IMPDH2: variants seen among roughly 807,000 people sequenced by gnomAD.
IMPDH2 encodes the protein inosine-5'-monophosphate dehydrogenase 2.
IMPDH2 carries 33 observed loss-of-function variants against 57.8 expected under a neutral mutation model. The observed-to-expected ratio is 0.57, with a 90% CI of 0.43 to 0.76. The LOEUF (loss-of-function observed/expected upper bound fraction) is 0.76. Ranked by LOEUF, IMPDH2 falls within the 30% of genes least tolerant of loss-of-function variation. The probability of loss-of-function intolerance (pLI) is 0.00; values close to 1 mark genes in which losing one functional copy is unlikely to be tolerated. For missense variants in IMPDH2, 446 were observed against 659.1 expected, an observed-to-expected ratio of 0.68 and a Z score of 3.54; for synonymous variants, 270 against 241.3, an observed-to-expected ratio of 1.12 and a Z score of -1.10.
At chr3:49,028,608 G>T in intron 2 of IMPDH2, 76 bp from the exon 3 acceptor site, 2 of 1,375,738 alleles carry the variant, frequency 1.5e-6, no homozygotes, top group Non-Finnish European at 1.0e-6. Context: ...CCCACAAAAA[G>T]GCACTTTTGT....
chr3:49,024,547 C>G lies in IMPDH2; in HGVS notation c.1471G>C (p.Glu491Gln), dbSNP rs2093188716. Residue 491 changes from glutamate to glutamine, a missense_variant, in exon 13 of 14, where the codon GAG (glutamate) becomes CAG (glutamine). Transcript: ENST00000326739. The stretch of plus-strand genomic sequence containing the variant: ...ACCTGGGCTGAGGACGTTCTCTTCT[C>G]AAACTTAAGCTCCCCAGAGTACATC... ...AMMYSGELKF[E>Q]KRTSSAQVEG... 2 of 1,614,076 alleles carry G rather than the reference C, an allele frequency of 1.2e-6. No individual in the cohort carries two copies.
chr3:49,029,209 G>T (rs1441846229), intron 1 of IMPDH2, 44 bp downstream of exon 1: 3 of 1,474,394 alleles, frequency 2.0e-6, no homozygotes, highest in South Asian at 2.4e-5. Context: ...TTTCCCCAGG[G>T]TGCCGCCCCT....
chr3:49,027,022 ACCAAGTCTTC>A lies in IMPDH2; in HGVS notation c.547_556del (p.Glu183TrpfsTer2). 1 of 1,613,906 alleles carries A rather than the reference ACCAAGTCTTC, an allele frequency of 6.2e-7. No homozygotes were observed. Among genetic ancestry groups the A allele is most frequent in the Non-Finnish European group, 8.5e-7 (1 of 1,179,794 alleles). On this transcript the variant is annotated frameshift_variant, in exon 6 of 14. Transcript: ENST00000326739. LOFTEE classifies it high-confidence loss of function. Reference sequence around the variant, plus strand: ...CAGTGTGATGCCTGCAGGGGCTACCACCAAGTCTTCCCTCTTTGTCATTATCTACGTGGGA... The same window carrying A: ...CAGTGTGATGCCTGCAGGGGCTACCACCTCTTTGTCATTATCTACGTGGGA...
At chr3:49,028,361 G>C in intron 3 of IMPDH2, 39 bp from the exon 4 acceptor site, 1 of 1,608,668 alleles carries the variant, frequency 6.2e-7, no homozygotes, top group Non-Finnish European at 8.5e-7. Context: ...GTGACAAGAA[G>C]CAGGACTGAA....
chr3:49,028,602 C>T (rs1217997126), intron 2 of IMPDH2, 70 bp from the exon 3 acceptor site: 2 of 1,396,952 alleles, frequency 1.4e-6, no homozygotes, highest in East Asian at 4.6e-5. Context: ...GAGTCCCCCA[C>T]AAAAAGGCAC....
Position 49,024,812 on chromosome 3 carries a change from G to C in IMPDH2, c.1296-10C>G. On this transcript the variant is annotated splice_polypyrimidine_tract_variant and intron_variant, in intron 11 of 13. Coordinates refer to ENST00000326739, the MANE Select transcript of IMPDH2 (RefSeq NM_000884.3). ...GATTTTGTCAGCTTCACTGCAGGGA[G>C]AGGCAGAGACACGGGCAAGGTCACA... is the stretch of plus-strand genomic sequence containing the variant. 6.2e-7 allele frequency: 1 copy of C among 1,614,218 alleles called. No homozygotes were observed. The highest frequency in any genetic ancestry group is 8.5e-7 in the Non-Finnish European group (1 of 1,180,022).
chr3:49,025,334 C>T, intron 9 of IMPDH2, 65 bp from the exon 10 acceptor site: 1 of 1,584,584 alleles, frequency 6.3e-7, no homozygotes, highest in East Asian at 2.2e-5. Context: ...ACCCTGTGGC[C>T]ATATTTAGGA....
Position 49,024,651 on chromosome 3 carries a change from A to T in IMPDH2, c.1439+8T>A. ...CCCTCTACCCATGTCCCAGCTCCCC[A>T]AGCTCACCGGACTTGGGTCAAGCTC... On this transcript the variant is annotated splice_region_variant and intron_variant, in intron 12 of 13. Coordinates refer to ENST00000326739, the MANE Select transcript of IMPDH2 (RefSeq NM_000884.3). 6.2e-7 allele frequency: 1 copy of T among 1,614,226 alleles called. No individual in the cohort carries two copies. The highest frequency in any genetic ancestry group is 8.5e-7 in the Non-Finnish European group (1 of 1,180,040).
At chr3:49,025,826 AGAAG>A (rs1382444689) in intron 9 of IMPDH2, among the ~76,000 whole-genome samples, 1 of 152,204 alleles carries the variant, frequency 6.6e-6, no homozygotes, top group Non-Finnish European at 1.5e-5. Flanking sequence ...TCAGCACCCC[AGAAG>A]GAAGAGGGAG....
In IMPDH2 at chr3:49,028,414, C is replaced by T. The variant is rs758784202; in HGVS notation, c.249+17G>A. 9 of 1,609,548 alleles carry T rather than the reference C, an allele frequency of 5.6e-6. No homozygotes were observed. Among genetic ancestry groups the T allele is most frequent in the Admixed American group, 5.0e-5 (3 of 59,998 alleles). On this transcript the variant is annotated intron_variant, in intron 3 of 13. Transcript: ENST00000326739. ...GATGGAGTCCTTGCTCCTTCCCCCA[C>T]ACCCCATGGGGCTCACCGCCATTGC...
At chr3:49,027,446 T>G (rs1054564242) in intron 5 of IMPDH2, among the ~76,000 whole-genome samples, 2 of 152,092 alleles carry the variant, frequency 1.3e-5, no homozygotes, top group African/African-American at 4.8e-5. Context: ...ACAGGAACAA[T>G]GGCAAGAAAA....
In IMPDH2 at chr3:49,024,359, C is replaced by G. The variant is rs577962595; in HGVS notation, c.*24G>C. ...TCTAAACTTTTATTGAAAAAAAAACCGAGGAGGTGTGCTGGATCCCTTTTC... is the reference window on the plus strand; with the variant it reads ...TCTAAACTTTTATTGAAAAAAAAACGGAGGAGGTGTGCTGGATCCCTTTTC... On this transcript the variant is annotated 3_prime_UTR_variant, in exon 14 of 14. Coordinates refer to ENST00000326739, the MANE Select transcript of IMPDH2 (RefSeq NM_000884.3). 1 of 1,613,742 alleles carries G rather than the reference C, an allele frequency of 6.2e-7. No homozygotes were observed. The highest frequency in any genetic ancestry group is 1.7e-5 in the Admixed American group (1 of 59,988).
rs768227327 is a variant in IMPDH2 at position 49,029,381 on chromosome 3, G to C, written c.-31C>G. The C allele has an allele frequency of 6.8e-6, 10 of 1,462,348 alleles. No individual in the cohort carries two copies. Among genetic ancestry groups the C allele is most frequent in the South Asian group, 3.6e-5 (3 of 83,616 alleles). 90.6% of individuals were successfully genotyped at this position (1,462,348 alleles called of 1,614,324 possible). A position where few individuals can be genotyped will look rare whatever the true frequency, so the allele number is the denominator to read the frequency against. ...ACACAGGACACCGCCGCGTGTCTCC[G>C]AGGACCGCGCCGCAGAGACCTCTGC... On this transcript the variant is annotated 5_prime_UTR_variant, in exon 1 of 14. Coordinates refer to ENST00000326739, the MANE Select transcript of IMPDH2 (RefSeq NM_000884.3).
chr3:49,024,981 C>A lies in IMPDH2; in HGVS notation c.1210G>T (p.Asp404Tyr). Reference sequence around the variant, plus strand: ...CGATATTTCTTTAGCCGGATCCCATCGGAAAAGAAGTATTCACCAGGGGCC... The same window carrying A: ...CGATATTTCTTTAGCCGGATCCCATAGGAAAAGAAGTATTCACCAGGGGCC... ...TEAPGEYFFS[D>Y]GIRLKKYRGM... is the part of the protein sequence containing the mutation. Residue 404 changes from aspartate to tyrosine, a missense_variant, in exon 11 of 14, where the codon GAT (aspartate) becomes TAT (tyrosine). Physicochemically the swap from Asp to Tyr is radical, Grantham distance 160. Transcript: ENST00000326739. The A allele has an allele frequency of 6.2e-7, 1 of 1,614,196 alleles. No individual in the cohort carries two copies. The highest frequency in any genetic ancestry group is 8.5e-7 in the Non-Finnish European group (1 of 1,180,044).
At chr3:49,028,699 G>C in intron 2 of IMPDH2, 59 bp downstream of exon 2, 1 of 1,477,874 alleles carries the variant, frequency 6.8e-7, no homozygotes, top group Non-Finnish European at 9.5e-7. Context: ...CAGAGACCAG[G>C]TGATAGTAGC....
intron 4 of IMPDH2, 109 bp from the exon 5 acceptor site, chr3:49,028,025 G>A: frequency 1.1e-6 from 1 of 915,920 alleles, no homozygotes. Flanking sequence ...AGTGCCACAA[G>A]ACCAAATCAC....
At position 49,024,901 on chromosome 3, in the gene IMPDH2, A is replaced by G. The variant is rs2093191130; in HGVS notation, c.1290T>C (p.Tyr430=). The G allele has an allele frequency of 6.2e-7, 1 of 1,614,224 alleles. No homozygotes were observed. The highest frequency in any genetic ancestry group is 1.3e-5 in the African/African-American group (1 of 75,062). ...AACTGGCTTGCCTGTCCCACCTGAAATATCTGTTCTGGCTGCTGAGGTGCT... is the reference window on the plus strand; with the variant it reads ...AACTGGCTTGCCTGTCCCACCTGAAGTATCTGTTCTGGCTGCTGAGGTGCT... ...MDKHLSSQNR[Y]FSEADKIKVA... Residue 430 remains tyrosine, a synonymous_variant, in exon 11 of 14, where the codon TAT becomes TAC. Transcript: ENST00000326739.
In IMPDH2 at chr3:49,027,824, G is replaced by C. The variant is rs373928067; in HGVS notation, c.417C>G (p.Phe139Leu). The part of the protein sequence containing the change: ...DVFEAKARHG[F>L]CGIPITDTGR... The stretch of plus-strand genomic sequence containing the variant: ...CTGTGTCTGTGATTGGGATACCGCA[G>C]AAACCATGCCGGGCCTTGGCCTCAA... Residue 139 changes from phenylalanine to leucine, a missense_variant, in exon 5 of 14, where the codon TTC becomes TTG. Coordinates refer to ENST00000326739, the MANE Select transcript of IMPDH2 (RefSeq NM_000884.3). 6.2e-7 allele frequency: 1 copy of C among 1,614,238 alleles called. No homozygotes were observed. The highest frequency in any genetic ancestry group is 8.5e-7 in the Non-Finnish European group (1 of 1,180,042).
chr3:49,028,184 C>A, intron 4 of IMPDH2, 64 bp downstream of exon 4: 2 of 1,309,654 alleles, frequency 1.5e-6, no homozygotes, highest in South Asian at 1.2e-5. Context: ...AACCCCTACT[C>A]CCACCCCACC....
Sources: gnomAD v4.1 joint callset for allele counts (sites outside exome capture counted in the v4.1 genomes callset) on GRCh38, gnomAD v4.1.1 for gene constraint, MANE v1.5 for transcripts, NCBI Gene and HGNC (gene_info 2026-07-23, HGNC 2026-07-21) for gene names.